The following FLT3 variants were observed in gnomAD, a reference collection of about 807,000 sequenced individuals.
FLT3 encodes the protein fms related receptor tyrosine kinase 3.
In FLT3, 46 loss-of-function variants were observed where a neutral mutation model predicts 126.6. The ratio of observed to expected loss-of-function variants is 0.36; its 90% confidence interval spans 0.29 to 0.46. The LOEUF (loss-of-function observed/expected upper bound fraction) is 0.46, where lower values mean the gene tolerates loss of function less well. FLT3 is among the 20% of genes least tolerant of loss of function. The pLI is 1.00. For missense variants in FLT3, 1,069 were observed against 1,190.3 expected, an observed-to-expected ratio of 0.90 and a Z score of 1.50; for synonymous variants, 404 against 434.4, an observed-to-expected ratio of 0.93 and a Z score of 0.87.
At chr13:28,095,780 C>A (rs1879411857) in intron 1 of FLT3, among the ~76,000 whole-genome samples, 1 of 152,132 alleles carries the variant, frequency 6.6e-6, no homozygotes, top group Non-Finnish European at 1.5e-5. Flanking sequence ...TGTCACCCTG[C>A]TTGCCGAGTG....
chr13:28,082,412 C>T (rs943533493), intron 1 of FLT3, among the ~76,000 whole-genome samples: 1 of 152,146 alleles, frequency 6.6e-6, no homozygotes, highest in African/African-American at 2.4e-5. Context: ...CCCCCCTTGC[C>T]TCGTCCTGCC....
intron 1 of FLT3, among the ~76,000 whole-genome samples, chr13:28,080,330 C>G (rs1290885029): frequency 6.6e-6 from 1 of 152,206 alleles, no homozygotes; most frequent in South Asian, 2.1e-4. Flanking sequence ...TGGTGGAGAT[C>G]GCACCACTGC....
intron 5 of FLT3, 41 bp from the exon 6 acceptor site, chr13:28,050,263 T>TA (rs1875317898): frequency 6.2e-7 from 1 of 1,601,724 alleles, no homozygotes; most frequent in Non-Finnish European, 8.5e-7. Context: ...AAACAAGTTT[T>TA]AAAATTACAA....
At chr13:28,059,146 C>T (rs1020869927) in intron 3 of FLT3, among the ~76,000 whole-genome samples, 1 of 152,304 alleles carries the variant, frequency 6.6e-6, no homozygotes, top group South Asian at 2.1e-4. Flanking sequence ...CTGCAAATCA[C>T]TTAAGAGAAG....
Position 28,006,963 on chromosome 13 carries a change from A to C in FLT3, c.2860-2789T>G, listed in dbSNP as rs1478217101. ...ACCATGTTGACCAGGCTGGTCTTGC[A>C]CTCCTGGCCTCAAGTGATCCACCCA... On this transcript the variant is annotated intron_variant, in intron 23 of 23. Transcript: ENST00000241453. Among the ~76,000 whole-genome samples, 11 of 151,580 alleles carry C rather than the reference A, an allele frequency of 7.3e-5. No individual in the cohort carries two copies. The East Asian group carries it at 2.1e-3, about 29-fold the overall frequency.
chr13:28,020,816 A>C (rs568961401), intron 19 of FLT3, among the ~76,000 whole-genome samples: 1 of 152,126 alleles, frequency 6.6e-6, no homozygotes, highest in East Asian at 1.9e-4. Context: ...AAGGGCCTAC[A>C]GAGGAAACTG....
intron 23 of FLT3, among the ~76,000 whole-genome samples, chr13:28,006,728 C>CT (rs753656559): frequency 0.05 from 6,650 of 132,882 alleles, 225 homozygotes; most frequent in Non-Finnish European, 0.072. Flanking sequence ...CCTTTCTTTC[C>CT]TTTTTTTTTT....
intron 9 of FLT3, among the ~76,000 whole-genome samples, chr13:28,045,892 C>T (rs1354041641): frequency 7.4e-6 from 1 of 134,474 alleles, no homozygotes; most frequent in Non-Finnish European, 1.6e-5. Flanking sequence ...TGAATAACAG[C>T]TTACGATGAC....
At chr13:28,009,011 C>A (rs968778590) in intron 23 of FLT3, among the ~76,000 whole-genome samples, 1 of 151,964 alleles carries the variant, frequency 6.6e-6, no homozygotes, top group African/African-American at 2.4e-5. Context: ...GGATCTCTCT[C>A]CTTTGCCCAT....
At chr13:28,056,698 G>A (rs1876034521) in intron 4 of FLT3, among the ~76,000 whole-genome samples, 1 of 152,188 alleles carries the variant, frequency 6.6e-6, no homozygotes, top group Admixed American at 6.5e-5. Context: ...ACGCATGTGG[G>A]CCCGCGCTGT....
intron 2 of FLT3, among the ~76,000 whole-genome samples, chr13:28,069,614 C>T (rs1423877779): frequency 6.6e-6 from 1 of 152,024 alleles, no homozygotes; most frequent in East Asian, 1.9e-4. Flanking sequence ...CCATGGGTTC[C>T]GCATCCATGG....
At chr13:28,055,152 T>C (rs555464308) in intron 4 of FLT3, among the ~76,000 whole-genome samples, 2 of 152,348 alleles carry the variant, frequency 1.3e-5, no homozygotes, top group African/African-American at 4.8e-5. Flanking sequence ...TGATTCCATA[T>C]GAAAATCTTT....
At position 28,100,244 on chromosome 13, in the gene FLT3, G is replaced by A. The variant is rs1345748385; in HGVS notation, c.43+224C>T. On this transcript the variant is annotated intron_variant, in intron 1 of 23. Coordinates refer to ENST00000241453, the MANE Select transcript of FLT3 (RefSeq NM_004119.3). This position sits in a 1 kb window ranked among gnomAD's most constrained non-coding sequence, Gnocchi z 4.8. ...GGCCCGAGCCAGAGGAGAGACTTCG[G>A]AGAAGAGGGAAGAGGACGCGGGGTG... 1.3e-5 allele frequency among the ~76,000 whole-genome samples: 2 copies of A among 152,150 alleles called. No homozygotes were observed. The highest frequency in any genetic ancestry group is 4.8e-5 in the African/African-American group (2 of 41,460).
intron 1 of FLT3, among the ~76,000 whole-genome samples, chr13:28,070,998 T>TTA (rs1460129912): frequency 3.0e-5 from 4 of 135,442 alleles, no homozygotes; most frequent in African/African-American, 1.1e-4. Context: ...TACCTTTTTT[T>TTA]TTTTTTTTTT....
intron 1 of FLT3, among the ~76,000 whole-genome samples, chr13:28,099,388 T>C (rs961917026): frequency 4.6e-5 from 7 of 152,242 alleles, no homozygotes; most frequent in Admixed American, 3.9e-4. Flanking sequence ...TCAACTCTTT[T>C]CCCCCGATTT....
chr13:28,095,897 A>G (rs1879421371), intron 1 of FLT3, among the ~76,000 whole-genome samples: 1 of 152,144 alleles, frequency 6.6e-6, no homozygotes, highest in South Asian at 2.1e-4. Context: ...CCCAGAGTAA[A>G]ATGTGGTCAA....
At position 28,052,643 on chromosome 13, in the gene FLT3, G is replaced by A; in HGVS notation, c.516C>T (p.Tyr172=). 5 of 1,610,584 alleles carry A rather than the reference G, an allele frequency of 3.1e-6. No individual in the cohort carries two copies. Among genetic ancestry groups the A allele is most frequent in the Non-Finnish European group, 4.2e-6 (5 of 1,176,832 alleles). ...CGTCCTGGTTTTCCATTTTTCTAAA[G>A]TAAGGTCTTCTTAATGTGTAAAGCA... ...NTLLYTLRRP[Y]FRKMENQDAL... is the part of the protein sequence containing the mutation. Residue 172 remains tyrosine (Y), a synonymous_variant, in exon 5 of 24, where the codon TAC becomes TAT. Transcript: ENST00000241453.
At chr13:28,015,071 G>T in intron 22 of FLT3, 86 bp downstream of exon 22, 1 of 800,828 alleles carries the variant, frequency 1.2e-6, no homozygotes, top group Non-Finnish European at 2.1e-6. Context: ...GCACTAAGGA[G>T]TTTGACTTTT....
intron 23 of FLT3, among the ~76,000 whole-genome samples, chr13:28,012,564 G>A (rs558918057): frequency 9.9e-5 from 15 of 152,230 alleles, no homozygotes; most frequent in African/African-American, 3.1e-4. Flanking sequence ...CAGCAGACAA[G>A]ATGCTACTCA....
Sources: gnomAD v4.1 joint callset for allele counts (sites outside exome capture counted in the v4.1 genomes callset) on GRCh38, gnomAD v4.1.1 for gene constraint, Gnocchi (gnomAD v3.1) non-coding constraint, MANE v1.5 for transcripts, NCBI Gene and HGNC (gene_info 2026-07-23, HGNC 2026-07-21) for gene names.